The following MAGI1 variants were observed in gnomAD, a reference collection of about 807,000 sequenced individuals.
MAGI1 encodes membrane associated guanylate kinase, WW and PDZ domain containing 1.
A neutral mutation model predicts 139.9 loss-of-function variants in MAGI1; 58 were observed. The observed-to-expected ratio is 0.41, with a 90% CI of 0.34 to 0.52. The LOEUF (loss-of-function observed/expected upper bound fraction) is 0.52. MAGI1 is among the 20% of genes least tolerant of loss of function. The probability of loss-of-function intolerance (pLI) is 0.12; values close to 1 mark genes in which losing one functional copy is unlikely to be tolerated. For synonymous variants in MAGI1, 812 were observed against 737.9 expected (o/e 1.10, Z -1.63); for missense variants, 1,874 against 1,901.6 (o/e 0.99, Z 0.27).
In MAGI1 at chr3:65,741,426, G is replaced by C. The variant is rs887872079; in HGVS notation, c.314-119338C>G. On this transcript the variant is annotated intron_variant, in intron 1 of 22. Transcript: ENST00000402939. The stretch of plus-strand genomic sequence containing the variant: ...CCTGACCTCCTGATCCGCCCGCCTC[G>C]GCCTCCCAAAGTGCTGGGATTACAG... Among the ~76,000 whole-genome samples the C allele has an allele frequency of 3.3e-5, 5 of 152,214 alleles. No homozygotes were observed. In the East Asian group the frequency reaches 9.7e-4, roughly 29 times the overall value.
At chr3:65,501,745 C>G (rs2077091654) in intron 2 of MAGI1, among the ~76,000 whole-genome samples, 1 of 152,094 alleles carries the variant, frequency 6.6e-6, no homozygotes, top group Non-Finnish European at 1.5e-5. Context: ...ACACAAAACC[C>G]CATACAGAAA....
intron 2 of MAGI1, among the ~76,000 whole-genome samples, chr3:65,563,132 T>C (rs536999397): frequency 6.6e-6 from 1 of 152,358 alleles, no homozygotes; most frequent in African/African-American, 2.4e-5. Flanking sequence ...AAGAGAACTT[T>C]ATTAAGTTGT....
chr3:65,916,740 T>C (rs917655392), intron 1 of MAGI1, among the ~76,000 whole-genome samples: 3 of 151,948 alleles, frequency 2.0e-5, no homozygotes, highest in Admixed American at 6.6e-5. Flanking sequence ...ACCTGGCCTA[T>C]ATACATGAAT....
intron 1 of MAGI1, among the ~76,000 whole-genome samples, chr3:65,823,225 G>A (rs1322094482): frequency 2.0e-5 from 3 of 152,174 alleles, no homozygotes. Flanking sequence ...GATGAAGCTA[G>A]TGGGCCTGGA....
intron 1 of MAGI1, among the ~76,000 whole-genome samples, chr3:65,779,808 T>A (rs1407301852): frequency 1.3e-5 from 2 of 152,194 alleles, no homozygotes; most frequent in Non-Finnish European, 2.9e-5. Context: ...AGTATGCTGT[T>A]AAGCAAAAGC....
intron 2 of MAGI1, among the ~76,000 whole-genome samples, chr3:65,577,360 T>C (rs953220614): frequency 6.6e-6 from 1 of 151,788 alleles, no homozygotes; most frequent in African/African-American, 2.4e-5. Context: ...AAAGGCAAAA[T>C]CAGAGCAGTG....
Position 65,834,324 on chromosome 3 carries a change from C to A in MAGI1, c.313+203672G>T, listed in dbSNP as rs192319297. Among the ~76,000 whole-genome samples, 618 of 152,276 alleles carry A rather than the reference C, an allele frequency of 4.1e-3. 1 individual carries two copies. The highest frequency in any genetic ancestry group is 6.8e-3 in the Middle Eastern group (2 of 294). On this transcript the variant is annotated intron_variant, in intron 1 of 22. Coordinates refer to ENST00000402939, the MANE Select transcript of MAGI1 (RefSeq NM_001033057.2). ...AAATCTGAGGGAAGAGCATTCCACA[C>A]AGAAACCTCAAACAGTGTGAATGAG... is the stretch of plus-strand genomic sequence containing the variant.
Position 65,435,049 on chromosome 3 carries a change from A to G in MAGI1, c.1363+2106T>C, listed in dbSNP as rs370150235. On this transcript the variant is annotated intron_variant, in intron 10 of 22. Transcript: ENST00000402939. ...TACAGTGAGAAAATGGCCGTCTATA[A>G]ACCACGAAGTGGACCCTCATTGGAC... Among the ~76,000 whole-genome samples, 9 of 152,316 alleles carry G rather than the reference A, an allele frequency of 5.9e-5. No homozygotes were observed. The South Asian group carries it at 6.2e-4, about 11-fold the overall frequency.
rs1952452851 is a variant in MAGI1, at chr3:65,496,384, T to TTTTCTCTTG, written c.431-2754_431-2753insCAAGAGAAA. Among the ~76,000 whole-genome samples, 8 of 152,042 alleles carry TTTTCTCTTG rather than the reference T, an allele frequency of 5.3e-5. No homozygotes were observed. In the South Asian group the frequency reaches 1.7e-3, roughly 32 times the overall value. On this transcript the variant is annotated intron_variant, in intron 2 of 22. Transcript: ENST00000402939. Reference sequence around the variant, plus strand: ...GCTCTTTGACTTCAAGGAGAACAAGTTTTCGGAGAGTAGGGCAGGAGGTGG... The same window carrying TTTTCTCTTG: ...GCTCTTTGACTTCAAGGAGAACAAGTTTTCTCTTGTTTCGGAGAGTAGGGCAGGAGGTGG...
intron 1 of MAGI1, among the ~76,000 whole-genome samples, chr3:65,789,239 G>A (rs1031617620): frequency 2.0e-5 from 3 of 152,116 alleles, no homozygotes; most frequent in Non-Finnish European, 4.4e-5. Flanking sequence ...AGTCAGTGGG[G>A]AAGAAAGGAA....
chr3:65,606,068 T>C (rs1471440160), intron 2 of MAGI1, among the ~76,000 whole-genome samples: 1 of 152,214 alleles, frequency 6.6e-6, no homozygotes, highest in Non-Finnish European at 1.5e-5. Flanking sequence ...GCACCTACTA[T>C]GTGCCAGAGC....
At chr3:65,732,285 A>C (rs1332047227) in intron 1 of MAGI1, among the ~76,000 whole-genome samples, 1 of 152,182 alleles carries the variant, frequency 6.6e-6, no homozygotes, top group Non-Finnish European at 1.5e-5. Flanking sequence ...ACTCTCATTT[A>C]CAAGACATGA....
intron 2 of MAGI1, among the ~76,000 whole-genome samples, chr3:65,569,505 G>A (rs1225711707): frequency 3.3e-5 from 5 of 152,156 alleles, no homozygotes; most frequent in Non-Finnish European, 5.9e-5. Flanking sequence ...GAATATGTGT[G>A]CACTGTGGAA....
rs185328990 is a variant in MAGI1, at chr3:65,840,992, T to C, written c.313+197004A>G. 2.3e-4 allele frequency among the ~76,000 whole-genome samples: 35 copies of C among 152,332 alleles called. 2 individuals carry two copies. Among genetic ancestry groups the C allele is most frequent in the African/African-American group, 8.2e-4 (34 of 41,588 alleles). On this transcript the variant is annotated intron_variant, in intron 1 of 22. Transcript: ENST00000402939. The stretch of plus-strand genomic sequence containing the variant: ...AGAGCTATTCAAATTATCCATTTGA[T>C]AGTAAGTTGTGGTAGTTTGTGCTTT...
At chr3:65,784,971 G>GA (rs998205160) in intron 1 of MAGI1, among the ~76,000 whole-genome samples, 3 of 152,150 alleles carry the variant, frequency 2.0e-5, no homozygotes, top group Non-Finnish European at 4.4e-5. Context: ...GGCAGAGAAG[G>GA]AAATGACTAC....
intron 1 of MAGI1, among the ~76,000 whole-genome samples, chr3:65,847,117 G>C (rs899542707): frequency 2.0e-5 from 3 of 151,794 alleles, no homozygotes; most frequent in African/African-American, 4.8e-5. Context: ...TGTGCAAAAA[G>C]CAACAGCTGA....
chr3:65,591,322 C>T (rs2081955519), intron 2 of MAGI1, among the ~76,000 whole-genome samples: 1 of 152,074 alleles, frequency 6.6e-6, no homozygotes, highest in Admixed American at 6.6e-5. Context: ...AAACCAAAAC[C>T]CTTGGAGTCA....
chr3:65,374,782 T>TG (rs940808593), intron 18 of MAGI1, among the ~76,000 whole-genome samples: 3 of 152,160 alleles, frequency 2.0e-5, no homozygotes, highest in South Asian at 4.1e-4. Context: ...CAATGTTCCC[T>TG]GGGGGGCAGA....
intron 1 of MAGI1, among the ~76,000 whole-genome samples, chr3:65,978,688 G>C (rs1452442986): frequency 6.7e-6 from 1 of 149,328 alleles, no homozygotes; most frequent in Non-Finnish European, 1.5e-5. Flanking sequence ...GAGTGCAATG[G>C]TGCAATCTCA....
Sources: gnomAD v4.1 joint callset for allele counts (sites outside exome capture counted in the v4.1 genomes callset) on GRCh38, gnomAD v4.1.1 for gene constraint, MANE v1.5 for transcripts, NCBI Gene and HGNC (gene_info 2026-07-23, HGNC 2026-07-21) for gene names.